PEDS1: variants seen among roughly 807,000 people sequenced by gnomAD.
PEDS1 encodes CarF homolog.
A neutral mutation model predicts 35.2 loss-of-function variants in PEDS1; 14 were observed. The ratio of observed to expected loss-of-function variants is 0.40; its 90% CI spans 0.26 to 0.62. PEDS1 has a LOEUF of 0.62. Among genes scored for constraint, PEDS1 ranks in the 20% least tolerant of loss-of-function variants. The probability of loss-of-function intolerance (pLI) is 0.44; values close to 1 mark genes in which losing one functional copy is unlikely to be tolerated. For synonymous variants in PEDS1, 152 were observed against 152.0 expected, an observed-to-expected ratio of 1.00 and a Z score of 0.00; for missense variants, 260 against 367.8, an observed-to-expected ratio of 0.71 and a Z score of 2.40.
chr20:50,149,163 C>G (rs1057360665), intron 1 of PEDS1, among the ~76,000 whole-genome samples: 1 of 152,034 alleles, frequency 6.6e-6, no homozygotes, highest in Non-Finnish European at 1.5e-5. Flanking sequence ...GAAACAGAGA[C>G]AAAAGGAGCA....
rs192134103 is a variant in PEDS1 at position 50,142,481 on chromosome 20, G to C, written c.241+1021C>G. Among the ~76,000 whole-genome samples the C allele has an allele frequency of 2.8e-3, 422 of 152,270 alleles. 13 individuals carry two copies. The highest frequency in any genetic ancestry group is 0.027 in the Admixed American group (409 of 15,292). On this transcript the variant is annotated intron_variant, in intron 2 of 5. Coordinates refer to ENST00000371652, the MANE Select transcript of PEDS1 (RefSeq NM_199129.4). The stretch of plus-strand genomic sequence containing the variant: ...GAGACGGAGTCTCGCTCTGCTGCCT[G>C]GGCTGAAGTGCTGTGGCGTGATCTT...
chr20:50,138,494 C>T (rs577721374), intron 2 of PEDS1, among the ~76,000 whole-genome samples: 2 of 152,248 alleles, frequency 1.3e-5, no homozygotes, highest in South Asian at 4.1e-4. Context: ...AAGCATCCCC[C>T]CAACGCAGCT....
Position 50,130,740 on chromosome 20 carries a change from C to CA in PEDS1, c.333+115dup, listed in dbSNP as rs2081169355. ...CAGCACAGGGGTGAGGGACAGGCTG[C>CA]AATGATGGTTCCCATCTTTCAGATA... On this transcript the variant is annotated intron_variant, in intron 3 of 5. Transcript: ENST00000371652. 2.3e-6 allele frequency: 3 copies of CA among 1,312,996 alleles called. No homozygotes were observed. In the East Asian group the frequency reaches 7.2e-5, roughly 31 times the overall value. The allele number at this position is 1,312,996 out of a possible 1,614,324, so 81.3% of individuals were successfully genotyped here.
rs953428980 is a variant in PEDS1 at position 50,119,663 on chromosome 20, T to G, written c.*5395A>C. ...CCTACATAAGGCATTGCAAGTGTCT[T>G]GTCAAAATGATGGCCTCTAAGGAGG... is the stretch of plus-strand genomic sequence containing the variant. On this transcript the variant is annotated 3_prime_UTR_variant, in exon 6 of 6. Coordinates refer to ENST00000371652, the MANE Select transcript of PEDS1 (RefSeq NM_199129.4). 6.6e-6 allele frequency: 1 copy of G among 152,176 alleles called. No individual in the cohort carries two copies. The highest frequency in any genetic ancestry group is 1.5e-5 in the Non-Finnish European group (1 of 68,046). The allele number at this position is 152,176 out of a possible 1,614,324, so 9.4% of individuals were successfully genotyped here.
intron 3 of PEDS1, among the ~76,000 whole-genome samples, chr20:50,130,176 G>A (rs2081161123): frequency 6.6e-6 from 1 of 152,200 alleles, no homozygotes; most frequent in South Asian, 2.1e-4. Context: ...TCTAGCCAGT[G>A]ACTGCCTGAG....
intron 2 of PEDS1, among the ~76,000 whole-genome samples, chr20:50,142,429 G>A (rs2081300073): frequency 6.6e-6 from 1 of 152,088 alleles, no homozygotes; most frequent in Admixed American, 6.6e-5. Context: ...AGAAAAGGGG[G>A]ATAGTGTGTG....
In PEDS1 at chr20:50,143,561, A is replaced by G; in HGVS notation, c.182T>C (p.Leu61Pro). The G allele has an allele frequency of 6.2e-7, 1 of 1,613,948 alleles. No individual in the cohort carries two copies. The highest frequency in any genetic ancestry group is 1.1e-5 in the South Asian group (1 of 90,988). ...ILCFSLIAHNLVHLLLLARWE... is the reference protein window; with the variant it reads ...ILCFSLIAHNPVHLLLLARWE... ...GCGGGCCAGCAGCAGGAGATGGACC[A>G]GGTTGTGGGCGATGAGGCTGAAGCA... Residue 61 changes from leucine (L) to proline (P), a missense_variant, in exon 2 of 6, where the codon CTG becomes CCG. Transcript: ENST00000371652.
chr20:50,130,821 CCTT>C (rs781316022), intron 3 of PEDS1, 32 bp downstream of exon 3: 16 of 1,613,056 alleles, frequency 9.9e-6, no homozygotes, highest in Non-Finnish European at 1.4e-5. Flanking sequence ...AGCCCAACCT[CCTT>C]CTTGAGGACA....
At chr20:50,146,733 CAGA>C (rs1478707877) in intron 1 of PEDS1, among the ~76,000 whole-genome samples, 5 of 152,262 alleles carry the variant, frequency 3.3e-5, no homozygotes, top group African/African-American at 4.8e-5. Flanking sequence ...TCCTTTTGTG[CAGA>C]AGAAGACCGT....
At position 50,123,412 on chromosome 20, in the gene PEDS1, C is replaced by T. The variant is rs998163532; in HGVS notation, c.*1646G>A. The T allele has an allele frequency of 1.3e-5, 2 of 152,330 alleles. No individual in the cohort carries two copies. The highest frequency in any genetic ancestry group is 4.8e-5 in the African/African-American group (2 of 41,430). The allele number at this position is 152,330 out of a possible 1,614,324, so 9.4% of individuals were successfully genotyped here. ...TCCCAAGTAGCTGGGATAAAGTCGT[C>T]TGCCACCACGCCTGGCTAATTTTTG... On this transcript the variant is annotated 3_prime_UTR_variant, in exon 6 of 6. Coordinates refer to ENST00000371652, the MANE Select transcript of PEDS1 (RefSeq NM_199129.4).
At chr20:50,134,639 G>T (rs1287293936) in intron 2 of PEDS1, among the ~76,000 whole-genome samples, 1 of 152,210 alleles carries the variant, frequency 6.6e-6, no homozygotes, top group Non-Finnish European at 1.5e-5. Context: ...GCCTCGCAAG[G>T]GATTCAGAGT....
chr20:50,149,380 G>A (rs1310244886), intron 1 of PEDS1, among the ~76,000 whole-genome samples: 1 of 152,146 alleles, frequency 6.6e-6, no homozygotes, highest in Non-Finnish European at 1.5e-5. Context: ...CACCCATGAA[G>A]CCTGGGGCAC....
intron 1 of PEDS1, among the ~76,000 whole-genome samples, chr20:50,148,798 A>G (rs932993810): frequency 6.6e-6 from 1 of 152,114 alleles, no homozygotes; most frequent in African/African-American, 2.4e-5. Flanking sequence ...GAGACAAATA[A>G]GGAATCAGAG....
intron 2 of PEDS1, among the ~76,000 whole-genome samples, chr20:50,135,658 CAAAAAAAAAA>C (rs34069451): frequency 1.3e-4 from 5 of 37,848 alleles, no homozygotes; most frequent in East Asian, 9.6e-4. Flanking sequence ...AACTCCATCT[CAAAAAAAAAA>C]AAAAAAAAAA....
intron 1 of PEDS1, 140 bp from the exon 2 acceptor site, chr20:50,143,761 C>T: frequency 7.2e-7 from 1 of 1,387,040 alleles, no homozygotes; most frequent in South Asian, 1.5e-5. Flanking sequence ...GCAGTGGTGC[C>T]ATCTCGGCTC....
At chr20:50,153,239 T>TA (rs774332544) in intron 1 of PEDS1, among the ~76,000 whole-genome samples, 2 of 152,020 alleles carry the variant, frequency 1.3e-5, no homozygotes, top group East Asian at 3.9e-4. Flanking sequence ...TAGGATTCCG[T>TA]ATCTGCGGGT....
chr20:50,124,089 C>A lies in PEDS1; in HGVS notation c.*969G>T, dbSNP rs551556945. ...GGGTTGGGGGGAGCTGGGAATGGGG[C>A]GAGAGTGGGGCCTCACGTCCCAGGC... On this transcript the variant is annotated 3_prime_UTR_variant, in exon 6 of 6. Transcript: ENST00000371652. 1 of 152,578 alleles carries A rather than the reference C, an allele frequency of 6.6e-6. No homozygotes were observed. The highest frequency in any genetic ancestry group is 2.4e-5 in the African/African-American group (1 of 41,434). The allele number at this position is 152,578 out of a possible 1,614,324, so 9.5% of individuals were successfully genotyped here. A position where few individuals can be genotyped will look rare whatever the true frequency, so the allele number is the denominator to read the frequency against.
At chr20:50,138,297 C>A (rs2081256956) in intron 2 of PEDS1, among the ~76,000 whole-genome samples, 1 of 152,192 alleles carries the variant, frequency 6.6e-6, no homozygotes, top group South Asian at 2.1e-4. Flanking sequence ...GTGGCAGGGG[C>A]AAGGCAGGGC....
intron 2 of PEDS1, among the ~76,000 whole-genome samples, chr20:50,140,175 G>A (rs1268892905): frequency 1.3e-5 from 2 of 152,232 alleles, no homozygotes; most frequent in Non-Finnish European, 2.9e-5. Flanking sequence ...CATTCTGGCA[G>A]CTCACCTTTC....
Sources: gnomAD v4.1 joint callset for allele counts (sites outside exome capture counted in the v4.1 genomes callset) on GRCh38, gnomAD v4.1.1 for gene constraint, MANE v1.5 for transcripts, NCBI Gene and HGNC (gene_info 2026-07-23, HGNC 2026-07-21) for gene names.